Variants in TRAPPC9 observed in about 807,000 individuals in gnomAD.
TRAPPC9 encodes the protein trafficking protein particle complex subunit 9, also known as IKK2 binding protein.
TRAPPC9 carries 83 observed loss-of-function variants against 124.0 expected under a neutral mutation model. The observed-to-expected ratio is 0.67, with a 90% CI of 0.56 to 0.80. TRAPPC9 has a LOEUF of 0.80. Among genes scored for constraint, TRAPPC9 ranks in the 30% least tolerant of loss-of-function variants. The pLI, the probability that TRAPPC9 is intolerant of heterozygous loss-of-function variation, is 0.00. For synonymous variants in TRAPPC9, 638 were observed against 617.5 expected (o/e 1.03, Z -0.49); for missense variants, 1,302 against 1,508.3 (o/e 0.86, Z 2.27).
chr8:139,817,051 C>CACACACACACACAT (rs1824890384), intron 21 of TRAPPC9, among the ~76,000 whole-genome samples: 1 of 150,996 alleles, frequency 6.6e-6, no homozygotes, highest in Non-Finnish European at 1.5e-5. Context: ...ACTAAACACA[C>CACACACACACACAT]ACACACACAC....
At chr8:139,981,933 C>T (rs562871074) in intron 19 of TRAPPC9, among the ~76,000 whole-genome samples, 1 of 152,318 alleles carries the variant, frequency 6.6e-6, no homozygotes, top group African/African-American at 2.4e-5. Context: ...GGTGCCAGGT[C>T]CGCTGCACCC....
At chr8:140,175,641 A>C (rs1174408900) in intron 17 of TRAPPC9, among the ~76,000 whole-genome samples, 1 of 152,226 alleles carries the variant, frequency 6.6e-6, no homozygotes. Context: ...TAGATGTAAA[A>C]CAACGAAATC....
At chr8:140,131,479 T>G (rs2130709251) in intron 17 of TRAPPC9, among the ~76,000 whole-genome samples, 1 of 152,328 alleles carries the variant, frequency 6.6e-6, no homozygotes, top group South Asian at 2.1e-4. Context: ...AGAAAAGAGA[T>G]GAGCACGAAC....
At chr8:140,338,821 G>A (rs113058827) in intron 9 of TRAPPC9, among the ~76,000 whole-genome samples, 2 of 61,196 alleles carry the variant, frequency 3.3e-5, no homozygotes, top group East Asian at 4.8e-4. Flanking sequence ...CCTACAGGCC[G>A]ACAGGAAACG....
chr8:140,246,756 G>A (rs9644445), intron 16 of TRAPPC9, among the ~76,000 whole-genome samples: 31,893 of 152,052 alleles, frequency 0.21, 4,667 homozygotes, highest in East Asian at 0.78. Context: ...AGGCCGAGGC[G>A]GGCGGATCAC....
chr8:140,288,186 A>T (rs1563919037), intron 12 of TRAPPC9, among the ~76,000 whole-genome samples: 1 of 152,104 alleles, frequency 6.6e-6, no homozygotes, highest in African/African-American at 2.4e-5. Context: ...TACAAAAAAA[A>T]TTTTTAATTA....
chr8:139,856,016 TC>T (rs1407112391), intron 21 of TRAPPC9, among the ~76,000 whole-genome samples: 12 of 152,262 alleles, frequency 7.9e-5, no homozygotes, highest in African/African-American at 2.9e-4. Flanking sequence ...GTTCCCCAAC[TC>T]CGAGTCCCAG....
At chr8:139,937,307 T>G (rs761441561) in intron 19 of TRAPPC9, among the ~76,000 whole-genome samples, 2 of 152,190 alleles carry the variant, frequency 1.3e-5, no homozygotes, top group African/African-American at 4.8e-5. Context: ...GATAGCAATA[T>G]GGGTGCGGGC....
rs1419320720 is a variant in TRAPPC9 at position 139,729,652 on chromosome 8, G to A, written c.*1409C>T. Among the ~76,000 whole-genome samples the A allele has an allele frequency of 4.6e-5, 7 of 152,214 alleles. No individual in the cohort carries two copies. Among genetic ancestry groups the A allele is most frequent in the Admixed American group, 6.5e-5 (1 of 15,288 alleles). ...GAACAAAAAATTTGTTCCTTAGGCCGGAGGCCACAGGGTGACCTTGCTCCC... is the reference window on the plus strand; with the variant it reads ...GAACAAAAAATTTGTTCCTTAGGCCAGAGGCCACAGGGTGACCTTGCTCCC... On this transcript the variant is annotated 3_prime_UTR_variant, in exon 23 of 23. Transcript: ENST00000438773.
At chr8:139,876,246 T>C (rs1347205206) in intron 21 of TRAPPC9, among the ~76,000 whole-genome samples, 2 of 152,240 alleles carry the variant, frequency 1.3e-5, no homozygotes, top group African/African-American at 4.8e-5. Context: ...GGCAGAGCAC[T>C]GGCTGCTGGC....
chr8:139,977,806 G>A (rs544877796), intron 19 of TRAPPC9, among the ~76,000 whole-genome samples: 26 of 151,314 alleles, frequency 1.7e-4, no homozygotes, highest in South Asian at 1.5e-3. Context: ...TTAGCCTCCC[G>A]AATAGCTGAG....
intron 17 of TRAPPC9, among the ~76,000 whole-genome samples, chr8:140,079,881 G>A (rs1254358061): frequency 1.3e-5 from 2 of 152,164 alleles, no homozygotes; most frequent in Non-Finnish European, 2.9e-5. Context: ...AGTGAGCCAA[G>A]ATTGCACCAC....
intron 19 of TRAPPC9, chr8:139,931,698 C>T (rs1833153689): frequency 6.5e-6 from 1 of 153,772 alleles, no homozygotes; most frequent in Admixed American, 6.5e-5. Flanking sequence ...GGGTGTGGGA[C>T]CAGTGCGGAT....
chr8:139,936,089 C>T (rs576033323), intron 19 of TRAPPC9, among the ~76,000 whole-genome samples: 25 of 152,362 alleles, frequency 1.6e-4, no homozygotes, highest in African/African-American at 5.8e-4. Context: ...TCACCTGCTC[C>T]ACGCCTGTTG....
chr8:139,995,287 C>A (rs1267053841), intron 18 of TRAPPC9, among the ~76,000 whole-genome samples: 2 of 152,204 alleles, frequency 1.3e-5, no homozygotes, highest in South Asian at 2.1e-4. Context: ...CCTGGTCCAA[C>A]AAGTGGGAAA....
intron 17 of TRAPPC9, among the ~76,000 whole-genome samples, chr8:140,136,537 T>G (rs1239663342): frequency 6.6e-6 from 1 of 152,116 alleles, no homozygotes; most frequent in Non-Finnish European, 1.5e-5. Flanking sequence ...CTCCAGGAAC[T>G]TAAAACCTAG....
intron 19 of TRAPPC9, among the ~76,000 whole-genome samples, chr8:139,939,845 G>A (rs1021377022): frequency 6.6e-6 from 1 of 152,246 alleles, no homozygotes; most frequent in African/African-American, 2.4e-5. Flanking sequence ...CCCAGGAAGA[G>A]AGGGAGGCTG....
chr8:140,287,279 T>TC (rs1490329314), intron 13 of TRAPPC9, among the ~76,000 whole-genome samples: 17 of 151,512 alleles, frequency 1.1e-4, no homozygotes, highest in African/African-American at 3.9e-4. Flanking sequence ...AAGGGGAGAT[T>TC]CAGCGTGTGT....
intron 18 of TRAPPC9, among the ~76,000 whole-genome samples, chr8:140,010,699 T>C (rs990841965): frequency 6.6e-6 from 1 of 152,200 alleles, no homozygotes; most frequent in African/African-American, 2.4e-5. Context: ...ATGATGTCTA[T>C]GATAGGGAGA....
Sources: gnomAD v4.1 joint callset for allele counts (sites outside exome capture counted in the v4.1 genomes callset) on GRCh38, gnomAD v4.1.1 for gene constraint, MANE v1.5 for transcripts, NCBI Gene and HGNC (gene_info 2026-07-23, HGNC 2026-07-21) for gene names.